The following DCC variants were observed in gnomAD, a reference collection of about 807,000 sequenced individuals.
The protein encoded by DCC is netrin receptor DCC.
Under a neutral mutation model 172.5 loss-of-function variants are expected in DCC, and 58 were observed. That is an observed-to-expected ratio of 0.34 (90% CI 0.27 to 0.42). The LOEUF (loss-of-function observed/expected upper bound fraction) is 0.42. Ranked by LOEUF, DCC falls within the 10% of genes least tolerant of loss-of-function variation. The probability of loss-of-function intolerance (pLI) is 1.00; values close to 1 mark genes in which losing one functional copy is unlikely to be tolerated. For synonymous variants in DCC, 709 were observed against 644.5 expected, an observed-to-expected ratio of 1.10 and a Z score of -1.52; for missense variants, 1,740 against 1,791.0, an observed-to-expected ratio of 0.97 and a Z score of 0.51.
At chr18:53,209,277 A>G (rs1444384800) in intron 11 of DCC, among the ~76,000 whole-genome samples, 1 of 152,236 alleles carries the variant, frequency 6.6e-6, no homozygotes, top group Admixed American at 6.5e-5. Context: ...GAAATTTTAT[A>G]AAAAGTGAAA....
At chr18:53,453,350 C>G (rs1455789275) in intron 23 of DCC, among the ~76,000 whole-genome samples, 2 of 152,138 alleles carry the variant, frequency 1.3e-5, no homozygotes, top group African/African-American at 2.4e-5. Flanking sequence ...AAATAAGATC[C>G]CCTCCAAAGC....
intron 5 of DCC, among the ~76,000 whole-genome samples, chr18:53,008,232 C>T (rs2041674456): frequency 6.6e-6 from 1 of 152,068 alleles, no homozygotes; most frequent in Admixed American, 6.6e-5. Context: ...ATCACACTTT[C>T]ATGTTTATTG....
intron 5 of DCC, among the ~76,000 whole-genome samples, chr18:53,008,052 A>T: frequency 6.6e-6 from 1 of 152,178 alleles, no homozygotes; most frequent in East Asian, 1.9e-4. Flanking sequence ...CTATGAAGCA[A>T]CACCAGAATT....
At chr18:52,970,891 G>A (rs1004441333) in intron 5 of DCC, among the ~76,000 whole-genome samples, 6 of 152,106 alleles carry the variant, frequency 3.9e-5, no homozygotes, top group Admixed American at 1.3e-4. Flanking sequence ...AAAGATCAGG[G>A]CATTTCGTCT....
At position 52,518,184 on chromosome 18, in the gene DCC, T is replaced by C. The variant is rs529618183; in HGVS notation, c.91+177306T>C. Among the ~76,000 whole-genome samples, 3 of 152,328 alleles carry C rather than the reference T, an allele frequency of 2.0e-5. No individual in the cohort carries two copies. In the East Asian group the frequency reaches 5.8e-4, roughly 29 times the overall value. On this transcript the variant is annotated intron_variant, in intron 1 of 28. Transcript: ENST00000442544. ...ATACAGTAATACAAATAATTCCTGATCATCTATAGAGTTTGAGTCCAAAGG... is the reference window on the plus strand; with the variant it reads ...ATACAGTAATACAAATAATTCCTGACCATCTATAGAGTTTGAGTCCAAAGG...
At chr18:53,081,232 T>A (rs772368243) in intron 7 of DCC, among the ~76,000 whole-genome samples, 7 of 152,080 alleles carry the variant, frequency 4.6e-5, no homozygotes, top group Middle Eastern at 3.2e-3. Flanking sequence ...TAGTTTAATA[T>A]GGATTTATGT....
intron 2 of DCC, among the ~76,000 whole-genome samples, chr18:52,875,603 A>G (rs1373209677): frequency 6.6e-6 from 1 of 152,206 alleles, no homozygotes; most frequent in African/African-American, 2.4e-5. Context: ...TCATGCTGTT[A>G]TTGGTGCTGA....
chr18:53,260,957 G>A (rs1016206718), intron 12 of DCC, among the ~76,000 whole-genome samples: 2 of 152,132 alleles, frequency 1.3e-5, no homozygotes, highest in East Asian at 1.9e-4. Context: ...TCAGACTGCT[G>A]TGCTAGCAAT....
intron 19 of DCC, among the ~76,000 whole-genome samples, chr18:53,406,714 A>G (rs553859568): frequency 0.012 from 1,386 of 115,052 alleles, 63 homozygotes; most frequent in Non-Finnish European, 0.022. Flanking sequence ...AAAAAAAAAA[A>G]AAGAAAGAAA....
intron 1 of DCC, among the ~76,000 whole-genome samples, chr18:52,554,255 A>T (rs2032851595): frequency 6.6e-6 from 1 of 152,098 alleles, no homozygotes; most frequent in Non-Finnish European, 1.5e-5. Context: ...AAAGGATGGG[A>T]TTAATGAGAC....
chr18:52,856,054 C>T (rs1435866692), intron 2 of DCC, among the ~76,000 whole-genome samples: 10 of 151,698 alleles, frequency 6.6e-5, no homozygotes, highest in South Asian at 6.3e-4. Flanking sequence ...CGTGAGCCAC[C>T]GCGCCCCGCC....
chr18:53,352,988 C>A (rs926170624), intron 15 of DCC, among the ~76,000 whole-genome samples: 2 of 152,056 alleles, frequency 1.3e-5, no homozygotes, highest in Non-Finnish European at 2.9e-5. Context: ...AAATACTATA[C>A]CACTTAATAA....
At chr18:52,630,229 A>G (rs1047842710) in intron 1 of DCC, among the ~76,000 whole-genome samples, 1 of 152,224 alleles carries the variant, frequency 6.6e-6, no homozygotes, top group Non-Finnish European at 1.5e-5. Context: ...GATTGAAAGA[A>G]GATATATAGT....
At chr18:53,512,751 A>G (rs1047484419) in intron 27 of DCC, among the ~76,000 whole-genome samples, 1 of 148,660 alleles carries the variant, frequency 6.7e-6, no homozygotes, top group African/African-American at 2.6e-5. Context: ...CAAGAAGGGA[A>G]GTTTAGAGAA....
chr18:53,148,488 G>A (rs538121046), intron 7 of DCC, among the ~76,000 whole-genome samples: 10 of 152,192 alleles, frequency 6.6e-5, no homozygotes, highest in South Asian at 2.1e-4. Flanking sequence ...GAAACAAAGC[G>A]AGCTGCAATT....
chr18:52,957,286 A>G (rs998326626), intron 5 of DCC, among the ~76,000 whole-genome samples: 2 of 152,128 alleles, frequency 1.3e-5, no homozygotes, highest in African/African-American at 4.8e-5. Context: ...AACTCATAAA[A>G]TACAACCAAT....
At chr18:52,465,088 G>A (rs73955647) in intron 1 of DCC, among the ~76,000 whole-genome samples, 6,226 of 152,184 alleles carry the variant, frequency 0.041, 175 homozygotes, top group South Asian at 0.12. Context: ...GGGACTGCCA[G>A]AGCTCTAAAT....
chr18:53,104,739 A>C (rs2144229814), intron 7 of DCC, among the ~76,000 whole-genome samples: 1 of 152,204 alleles, frequency 6.6e-6, no homozygotes, highest in South Asian at 2.1e-4. Flanking sequence ...TTAACCAATG[A>C]GTAAGCTGCA....
chr18:52,693,880 T>C (rs745327190), intron 1 of DCC, among the ~76,000 whole-genome samples: 2 of 152,072 alleles, frequency 1.3e-5, no homozygotes, highest in South Asian at 2.1e-4. Context: ...ATATAAACAA[T>C]TGAATAAATG....
Sources: allele counts gnomAD v4.1 joint callset (sites outside exome capture counted in the v4.1 genomes callset), GRCh38; gene constraint gnomAD v4.1.1; transcripts MANE v1.5; gene names NCBI Gene and HGNC (gene_info 2026-07-23, HGNC 2026-07-21).